The following MARCHF1 variants were observed in gnomAD, a reference collection of about 807,000 sequenced individuals.
The protein encoded by MARCHF1 is membrane associated ring-CH-type finger 1.
MARCHF1 carries 40 observed loss-of-function variants against 54.2 expected under a neutral mutation model. The observed-to-expected ratio is 0.74, with a 90% CI of 0.57 to 0.96. The LOEUF is 0.96. MARCHF1 is among the 40% of genes least tolerant of loss of function. MARCHF1 has a pLI of 0.00. For missense variants in MARCHF1, 586 were observed against 656.5 expected (o/e 0.89, Z 1.17); for synonymous variants, 236 against 236.3 (o/e 1.00, Z 0.01).
chr4:163,930,494 T>TC (rs1208544657), intron 3 of MARCHF1, among the ~76,000 whole-genome samples: 2 of 150,622 alleles, frequency 1.3e-5, no homozygotes, highest in South Asian at 2.1e-4. Context: ...TTTTTTTTTT[T>TC]CTGGTGTGAT....
intron 1 of MARCHF1, among the ~76,000 whole-genome samples, chr4:164,122,895 C>G (rs1232355463): frequency 6.6e-6 from 1 of 152,050 alleles, no homozygotes; most frequent in African/African-American, 2.4e-5. Context: ...CCACTATCAC[C>G]ACCGTTATTC....
At chr4:164,090,838 G>A (rs1304539235) in intron 2 of MARCHF1, among the ~76,000 whole-genome samples, 1 of 152,086 alleles carries the variant, frequency 6.6e-6, no homozygotes, top group Non-Finnish European at 1.5e-5. Flanking sequence ...TGGTGGAGGA[G>A]GAGATAACTG....
At chr4:163,829,737 G>A (rs1748964133) in intron 4 of MARCHF1, among the ~76,000 whole-genome samples, 2 of 143,442 alleles carry the variant, frequency 1.4e-5, no homozygotes, top group South Asian at 4.2e-4. Context: ...TTTTGGCAAT[G>A]CAAATGTATA....
At chr4:163,738,297 C>G (rs530698333) in intron 4 of MARCHF1, among the ~76,000 whole-genome samples, 1 of 152,186 alleles carries the variant, frequency 6.6e-6, no homozygotes, top group African/African-American at 2.4e-5. Flanking sequence ...ACCAAAGAAC[C>G]AAAACCTTCT....
At chr4:164,268,042 A>G (rs1733652900) in intron 1 of MARCHF1, among the ~76,000 whole-genome samples, 1 of 152,158 alleles carries the variant, frequency 6.6e-6, no homozygotes, top group South Asian at 2.1e-4. Context: ...AGCTCATAAG[A>G]TCAGGTTTCA....
chr4:164,189,827 T>A, intron 1 of MARCHF1: 2 of 1,593,050 alleles, frequency 1.3e-6, no homozygotes, highest in Non-Finnish European at 1.7e-6. Flanking sequence ...TTGATCTGAC[T>A]GGAATTCCTC....
rs115535587 is a variant in MARCHF1 at position 163,763,578 on chromosome 4, G to C, written c.112-62715C>G. 8.4e-3 allele frequency among the ~76,000 whole-genome samples: 1,276 copies of C among 152,102 alleles called. 12 individuals are homozygous for C. Among genetic ancestry groups the C allele is most frequent in the African/African-American group, 0.019 (803 of 41,528 alleles). ...CAAAAATGGAACAATTACTGCTTTA[G>C]AGGGGTTTCTGAATGACTTTCCCCC... On this transcript the variant is annotated intron_variant, in intron 4 of 9. Coordinates refer to ENST00000514618, the MANE Select transcript of MARCHF1 (RefSeq NM_001394959.1).
At chr4:163,955,842 T>A (rs954640651) in intron 3 of MARCHF1, among the ~76,000 whole-genome samples, 12 of 152,092 alleles carry the variant, frequency 7.9e-5, no homozygotes, top group African/African-American at 2.7e-4. Context: ...ACTAAATGAG[T>A]TTTATTTCCA....
chr4:163,999,034 T>C (rs749273627), intron 2 of MARCHF1, among the ~76,000 whole-genome samples: 9 of 151,636 alleles, frequency 5.9e-5, no homozygotes, highest in Non-Finnish European at 1.3e-4. Flanking sequence ...ATTCTGTTTT[T>C]CCTAGGACTG....
chr4:164,236,339 T>A (rs1428494928), intron 1 of MARCHF1, among the ~76,000 whole-genome samples: 1 of 152,138 alleles, frequency 6.6e-6, no homozygotes, highest in Non-Finnish European at 1.5e-5. Flanking sequence ...TAAAATATGC[T>A]GCTGACTGAT....
chr4:164,311,713 CATTAA>C (rs1262974518), intron 1 of MARCHF1, among the ~76,000 whole-genome samples: 9 of 152,078 alleles, frequency 5.9e-5, no homozygotes, highest in African/African-American at 1.7e-4. Flanking sequence ...TTTGAAAGCC[CATTAA>C]ATTATTCTAC....
At position 163,525,530 on chromosome 4, in the gene MARCHF1, A is replaced by C. The variant is rs1001859386; in HGVS notation, c.*3218T>G. ...TAAGCTTAATTGCCTTTTGGGCTTT[A>C]CTTTTTAAAAAATTGGAATTTCTTT... On this transcript the variant is annotated 3_prime_UTR_variant, in exon 10 of 10. Transcript: ENST00000514618. 3.9e-5 allele frequency: 6 copies of C among 152,078 alleles called. No individual in the cohort carries two copies. The highest frequency in any genetic ancestry group is 1.4e-4 in the African/African-American group (6 of 41,412). The allele number at this position is 152,078 out of a possible 1,614,324, so 9.4% of individuals were successfully genotyped here.
intron 4 of MARCHF1, among the ~76,000 whole-genome samples, chr4:163,840,319 A>G (rs1317338991): frequency 6.6e-6 from 1 of 152,180 alleles, no homozygotes; most frequent in Non-Finnish European, 1.5e-5. Context: ...AAAGGAAAGC[A>G]GACATTTGTG....
At chr4:163,894,908 T>TATATATATGCATGTGATGC (rs1750764740) in intron 3 of MARCHF1, among the ~76,000 whole-genome samples, 34 of 1,024 alleles carry the variant, frequency 0.033, 13 homozygotes, top group Admixed American at 0.18. Context: ...ATGTGATGCA[T>TATATATATGCATGTGATGC]ATATATATAT....
intron 1 of MARCHF1, among the ~76,000 whole-genome samples, chr4:164,298,675 T>A (rs1404576160): frequency 8.5e-5 from 13 of 152,142 alleles, no homozygotes; most frequent in Non-Finnish European, 1.0e-4. Flanking sequence ...AAGGTTTTCT[T>A]TTAGTATGAT....
intron 3 of MARCHF1, among the ~76,000 whole-genome samples, chr4:163,857,903 G>A (rs10517790): frequency 0.076 from 11,576 of 152,146 alleles, 530 homozygotes; most frequent in Middle Eastern, 0.12. Flanking sequence ...AGTGTGATAG[G>A]AGCTATGATA....
In MARCHF1 at chr4:164,273,544, A is replaced by C. The variant is rs186238292; in HGVS notation, c.-323+110326T>G. 3.7e-4 allele frequency among the ~76,000 whole-genome samples: 57 copies of C among 152,304 alleles called. No homozygotes were observed. In the East Asian group the frequency reaches 0.011, roughly 28 times the overall value. On this transcript the variant is annotated intron_variant, in intron 1 of 9. Coordinates refer to ENST00000514618, the MANE Select transcript of MARCHF1 (RefSeq NM_001394959.1). ...TTTTATAGGATTTTTACTAAAGAAAAACCAGAAAGTAATAAACCATCTACG... is the reference window on the plus strand; with the variant it reads ...TTTTATAGGATTTTTACTAAAGAAACACCAGAAAGTAATAAACCATCTACG...
intron 9 of MARCHF1, among the ~76,000 whole-genome samples, chr4:163,541,328 C>T (rs1038677321): frequency 6.6e-6 from 1 of 152,252 alleles, no homozygotes; most frequent in African/African-American, 2.4e-5. Flanking sequence ...TTACTATCTA[C>T]ACCTACAGTC....
At chr4:163,632,292 C>T (rs374636968) in intron 5 of MARCHF1, among the ~76,000 whole-genome samples, 13 of 152,204 alleles carry the variant, frequency 8.5e-5, no homozygotes, top group South Asian at 8.3e-4. Flanking sequence ...CCAGCCTGAG[C>T]GACGCAGAAG....
Sources: gnomAD v4.1 joint callset for allele counts (sites outside exome capture counted in the v4.1 genomes callset) on GRCh38, gnomAD v4.1.1 for gene constraint, MANE v1.5 for transcripts, NCBI Gene and HGNC (gene_info 2026-07-23, HGNC 2026-07-21) for gene names.